Variants in RGS5 observed in about 807,000 individuals in gnomAD.
RGS5 encodes the protein regulator of G protein signaling 5, also known as regulator of G-protein signalling 5.
A neutral mutation model predicts 18.9 loss-of-function variants in RGS5; 20 were observed. That is an observed-to-expected ratio of 1.06 (90% confidence interval 0.74 to 1.54). The LOEUF (loss-of-function observed/expected upper bound fraction) is 1.54, where lower values mean the gene tolerates loss of function less well. RGS5 is among the 40% of genes most tolerant of loss of function. RGS5 has a pLI of 0.00. For missense variants in RGS5, 201 were observed against 211.8 expected, an observed-to-expected ratio of 0.95 and a Z score of 0.32; for synonymous variants, 57 against 76.2, an observed-to-expected ratio of 0.75 and a Z score of 1.31.
At chr1:163,167,767 G>C (rs1658116067) in intron 2 of RGS5, among the ~76,000 whole-genome samples, 1 of 152,188 alleles carries the variant, frequency 6.6e-6, no homozygotes, top group Non-Finnish European at 1.5e-5. Context: ...CTTGGAGAAG[G>C]AACGATTAGG....
At chr1:163,317,850 T>C (rs1405227963) in intron 1 of RGS5, among the ~76,000 whole-genome samples, 2 of 152,116 alleles carry the variant, frequency 1.3e-5, no homozygotes, top group Non-Finnish European at 2.9e-5. Flanking sequence ...GAACTGCCTT[T>C]TTTTTTTTCT....
chr1:163,144,423 C>A lies in RGS5; in HGVS notation c.*2919G>T, dbSNP rs1657048600. 1.3e-5 allele frequency: 2 copies of A among 152,180 alleles called. No homozygotes were observed. The highest frequency in any genetic ancestry group is 4.8e-5 in the African/African-American group (2 of 41,434). 9.4% of individuals were successfully genotyped at this position (152,180 alleles called of 1,614,324 possible). A position where few individuals can be genotyped will look rare whatever the true frequency, so the allele number is the denominator to read the frequency against. ...CAGGCAGAAAAACTGAAGTTACAGG[C>A]AACTACCTGGGCTAATCTTAGGTTT... On this transcript the variant is annotated 3_prime_UTR_variant, in exon 5 of 5. Transcript: ENST00000313961.
intron 2 of RGS5, among the ~76,000 whole-genome samples, chr1:163,231,204 A>T (rs1288761761): frequency 6.6e-6 from 1 of 152,230 alleles, no homozygotes; most frequent in Non-Finnish European, 1.5e-5. Flanking sequence ...TACAATAAAA[A>T]AATGAAAAAC....
chr1:163,180,693 T>TG, intron 1 of RGS5, among the ~76,000 whole-genome samples: 1 of 122,464 alleles, frequency 8.2e-6, no homozygotes, highest in South Asian at 3.2e-4. Flanking sequence ...CCTGTTTTTT[T>TG]TTTTTTTTTT....
chr1:163,302,504 C>T (rs1649579120), intron 2 of RGS5, among the ~76,000 whole-genome samples: 1 of 152,170 alleles, frequency 6.6e-6, no homozygotes, highest in African/African-American at 2.4e-5. Flanking sequence ...TTTACACTCT[C>T]CCTTGTCGCT....
intron 2 of RGS5, among the ~76,000 whole-genome samples, chr1:163,291,364 C>G (rs1649283928): frequency 6.6e-6 from 1 of 152,062 alleles, no homozygotes. Context: ...GGCAAGCTAA[C>G]TTTGGGAGCC....
chr1:163,164,509 A>G (rs1002451248), intron 2 of RGS5, among the ~76,000 whole-genome samples: 5 of 152,180 alleles, frequency 3.3e-5, no homozygotes, highest in African/African-American at 1.2e-4. Context: ...TACTCACTGA[A>G]TCTCTCACAT....
chr1:163,315,136 C>T (rs1267558145), intron 1 of RGS5, among the ~76,000 whole-genome samples: 2 of 152,138 alleles, frequency 1.3e-5, no homozygotes, highest in African/African-American at 4.8e-5. Context: ...GCCCCAAAAA[C>T]TATTCAAATA....
chr1:163,186,996 G>A (rs558888828), intron 1 of RGS5, among the ~76,000 whole-genome samples: 28 of 152,228 alleles, frequency 1.8e-4, no homozygotes, highest in South Asian at 6.2e-4. Context: ...AACTGGCTTT[G>A]TTATTCTTTT....
chr1:163,229,741 A>G (rs887396748), intron 2 of RGS5, among the ~76,000 whole-genome samples: 2 of 152,190 alleles, frequency 1.3e-5, no homozygotes, highest in Non-Finnish European at 2.9e-5. Context: ...TTGGCTTTTC[A>G]GTGAGACTTT....
At chr1:163,239,022 A>G (rs1647713395) in intron 2 of RGS5, 1 of 217,156 alleles carries the variant, frequency 4.6e-6, no homozygotes, top group African/African-American at 2.3e-5. Context: ...CTACTCATGT[A>G]TGTGAGCTAC....
chr1:163,185,092 C>T (rs1181932487), intron 1 of RGS5, among the ~76,000 whole-genome samples: 1 of 152,100 alleles, frequency 6.6e-6, no homozygotes, highest in African/African-American at 2.4e-5. Context: ...TTATCTGTTT[C>T]TCAGCCTTAT....
intron 2 of RGS5, among the ~76,000 whole-genome samples, chr1:163,264,210 TCTCAG>T (rs1159389006): frequency 6.6e-6 from 1 of 152,122 alleles, no homozygotes. Context: ...TACGATTTCA[TCTCAG>T]CTAAGATAGT....
chr1:163,280,348 T>G (rs928013861), intron 2 of RGS5, among the ~76,000 whole-genome samples: 1 of 152,068 alleles, frequency 6.6e-6, no homozygotes, highest in African/African-American at 2.4e-5. Flanking sequence ...TGCAAGGATG[T>G]TTCAACATAT....
At chr1:163,296,839 C>T (rs1204432299) in intron 2 of RGS5, among the ~76,000 whole-genome samples, 1 of 152,044 alleles carries the variant, frequency 6.6e-6, no homozygotes, top group Non-Finnish European at 1.5e-5. Flanking sequence ...AAATCTTTGA[C>T]ATATTATTTT....
chr1:163,255,383 C>T (rs1333718342), intron 2 of RGS5, among the ~76,000 whole-genome samples: 1 of 152,172 alleles, frequency 6.6e-6, no homozygotes, highest in Non-Finnish European at 1.5e-5. Context: ...AATTCCTCGA[C>T]ACATACATCC....
At position 163,166,088 on chromosome 1, in the gene RGS5, G is replaced by C. The variant is rs1285374640; in HGVS notation, c.155+2170C>G. Among the ~76,000 whole-genome samples, 3 of 136,132 alleles carry C rather than the reference G, an allele frequency of 2.2e-5. No individual in the cohort carries two copies. The East Asian group carries it at 6.7e-4, about 31-fold the overall frequency. 89.3% of individuals were successfully genotyped at this position (136,132 alleles called of 152,430 possible). ...AGACTTCTGTTTCTACAGTTAGTCA[G>C]TAAAAGTAAGAGAAAGGCATAGAAG... On this transcript the variant is annotated intron_variant, in intron 2 of 4. Coordinates refer to ENST00000313961, the MANE Select transcript of RGS5 (RefSeq NM_003617.4).
At chr1:163,228,334 A>G (rs2101682703) in intron 2 of RGS5, among the ~76,000 whole-genome samples, 1 of 152,328 alleles carries the variant, frequency 6.6e-6, no homozygotes, top group Non-Finnish European at 1.5e-5. Context: ...CTATGCATCC[A>G]CAGGCCCAAC....
chr1:163,320,143 C>T (rs1650147120), intron 1 of RGS5, among the ~76,000 whole-genome samples: 1 of 152,056 alleles, frequency 6.6e-6, no homozygotes, highest in Admixed American at 6.5e-5. Flanking sequence ...CTCCATGGTC[C>T]ATTCTAATCT....
Sources: allele counts gnomAD v4.1 joint callset (sites outside exome capture counted in the v4.1 genomes callset), GRCh38; gene constraint gnomAD v4.1.1; transcripts MANE v1.5; gene names NCBI Gene and HGNC (gene_info 2026-07-23, HGNC 2026-07-21).